Variants in TMC5 observed in about 807,000 individuals in gnomAD.
TMC5 encodes the protein transmembrane channel-like protein 5.
Under a neutral mutation model 110.5 loss-of-function variants are expected in TMC5, and 86 were observed. The observed-to-expected ratio is 0.78, with a 90% CI of 0.65 to 0.93. The LOEUF (loss-of-function observed/expected upper bound fraction) is 0.93, where lower values mean the gene tolerates loss of function less well. TMC5 is among the 40% of genes least tolerant of loss of function. The pLI is 0.00. For synonymous variants in TMC5, 455 were observed against 439.5 expected (o/e 1.04, Z -0.44); for missense variants, 1,144 against 1,222.8 (o/e 0.94, Z 0.96).
intron 1 of TMC5, among the ~76,000 whole-genome samples, chr16:19,422,598 A>G (rs1341363764): frequency 6.6e-6 from 1 of 152,152 alleles, no homozygotes; most frequent in Non-Finnish European, 1.5e-5. Flanking sequence ...TCGGGAGGCC[A>G]AGGTGGGAGG....
At chr16:19,491,301 T>C (rs906295887) in intron 18 of TMC5, among the ~76,000 whole-genome samples, 2 of 151,972 alleles carry the variant, frequency 1.3e-5, no homozygotes, top group Non-Finnish European at 2.9e-5. Flanking sequence ...TTAGCCACCT[T>C]GCCCAAGCTT....
At chr16:19,426,883 T>C (rs1967097544) in intron 1 of TMC5, among the ~76,000 whole-genome samples, 1 of 152,160 alleles carries the variant, frequency 6.6e-6, no homozygotes, top group Admixed American at 6.6e-5. Context: ...AGGAATCACT[T>C]GGGAAACCCG....
Position 19,485,557 on chromosome 16 carries a change from A to G in TMC5, c.2364-1388A>G, listed in dbSNP as rs538692503. ...AGGTGATCTGCCCGCTTCGGCCTCC[A>G]AAAGTGATGAGATTACAGGCATGAG... On this transcript the variant is annotated intron_variant, in intron 15 of 21. Coordinates refer to ENST00000542583, the MANE Select transcript of TMC5 (RefSeq NM_001261841.2). 1.3e-5 allele frequency among the ~76,000 whole-genome samples: 2 copies of G among 152,160 alleles called. 1 individual carries two copies. The highest frequency in any genetic ancestry group is 3.9e-4 in the East Asian group (2 of 5,174).
Position 19,463,848 on chromosome 16 carries a change from A to G in TMC5, c.1309A>G (p.Ile437Val). 6.2e-7 allele frequency: 1 copy of G among 1,614,214 alleles called. No homozygotes were observed. Among genetic ancestry groups the G allele is most frequent in the Non-Finnish European group, 8.5e-7 (1 of 1,180,030 alleles). Reference sequence around the variant, plus strand: ...CAGCCTGTGGCAGAAGACGCTGAAGATCATTGGAGGCAAGTTTGGAACCAG... The same window carrying G: ...CAGCCTGTGGCAGAAGACGCTGAAGGTCATTGGAGGCAAGTTTGGAACCAG... Reference protein sequence around the residue: ...SISLWQKTLKIIGGKFGTSVL... With the variant: ...SISLWQKTLKVIGGKFGTSVL... The change falls in exon 8 of 22, where the codon ATC becomes GTC. Residue 437 changes from isoleucine to valine, a missense_variant. By Grantham distance (29) the Ile-to-Val change is conservative (BLOSUM62 3). Coordinates refer to ENST00000542583, the MANE Select transcript of TMC5 (RefSeq NM_001261841.2).
At chr16:19,431,566 GA>G (rs1967197886) in intron 2 of TMC5, among the ~76,000 whole-genome samples, 1 of 151,090 alleles carries the variant, frequency 6.6e-6, no homozygotes, top group South Asian at 2.1e-4. Context: ...AAAAGAAGAA[GA>G]AGAAGACAAA....
Position 19,444,215 on chromosome 16 carries a change from G to A in TMC5, c.923G>A (p.Gly308Asp), listed in dbSNP as rs377325174. The change falls in exon 4 of 22, where the codon GGC (glycine) becomes GAC (aspartate). Residue 308 changes from glycine to aspartate, a missense_variant. Physicochemically the swap from Gly to Asp is moderately conservative, Grantham distance 94 (BLOSUM62 -1). Transcript: ENST00000542583. ...MASMEMANSY[G>D]HSLPGAPGSG... ...TCCATGGAGATGGCAAACTCATATGGCCACTCTCTGCCAGGTGCTCCTGGA... is the reference window on the plus strand; with the variant it reads ...TCCATGGAGATGGCAAACTCATATGACCACTCTCTGCCAGGTGCTCCTGGA... The A allele has an allele frequency of 1.7e-5, 27 of 1,613,812 alleles. No individual in the cohort carries two copies. The African/African-American group carries it at 3.2e-4, about 19-fold the overall frequency.
chr16:19,434,173 G>C, intron 2 of TMC5, among the ~76,000 whole-genome samples: 1 of 31,496 alleles, frequency 3.2e-5, no homozygotes, highest in East Asian at 1.8e-3. Flanking sequence ...ATGATATATA[G>C]ATCTATTAGA....
intron 9 of TMC5, among the ~76,000 whole-genome samples, chr16:19,468,848 TG>T (rs1267200943): frequency 2.6e-5 from 4 of 152,152 alleles, no homozygotes; most frequent in Non-Finnish European, 4.4e-5. Flanking sequence ...TCTGATTAGC[TG>T]GGTGTGGTGG....
chr16:19,493,722 A>T (rs1226310960), intron 19 of TMC5, among the ~76,000 whole-genome samples: 3 of 152,164 alleles, frequency 2.0e-5, no homozygotes, highest in African/African-American at 7.2e-5. Context: ...TGGCCTCCCA[A>T]AGTGCTGGGA....
intron 5 of TMC5, among the ~76,000 whole-genome samples, chr16:19,457,627 G>A (rs1967912440): frequency 6.8e-6 from 1 of 147,366 alleles, no homozygotes; most frequent in Non-Finnish European, 1.5e-5. Context: ...TGCTTGATGA[G>A]GAAACTGAAG....
chr16:19,439,867 C>T lies in TMC5; in HGVS notation c.-79-93C>T, dbSNP rs562161892. 124 of 606,240 alleles carry T rather than the reference C, an allele frequency of 2.0e-4. 1 individual carries two copies. Among genetic ancestry groups the T allele is most frequent in the Middle Eastern group, 1.3e-3 (3 of 2,236 alleles). The allele number at this position is 606,240 out of a possible 1,614,324, so 37.6% of individuals were successfully genotyped here. On this transcript the variant is annotated intron_variant, in intron 2 of 21. Coordinates refer to ENST00000542583, the MANE Select transcript of TMC5 (RefSeq NM_001261841.2). ...AGGCAGTTGTGTACCTGACTACGAA[C>T]GAAAGGAGAACAGATACTGGAAGAT...
chr16:19,444,580 G>A (rs150393526), intron 4 of TMC5, among the ~76,000 whole-genome samples: 6 of 152,260 alleles, frequency 3.9e-5, no homozygotes, highest in East Asian at 3.9e-4. Context: ...TTCAGAAGCC[G>A]TGTATTTGGG....
At chr16:19,433,031 G>A (rs146661405) in intron 2 of TMC5, among the ~76,000 whole-genome samples, 164 of 151,772 alleles carry the variant, frequency 1.1e-3, no homozygotes, top group Non-Finnish European at 1.8e-3. Flanking sequence ...ACACATATAC[G>A]CATACAATAT....
intron 15 of TMC5, among the ~76,000 whole-genome samples, chr16:19,483,541 G>A (rs1294489516): frequency 6.6e-6 from 1 of 152,102 alleles, no homozygotes; most frequent in Non-Finnish European, 1.5e-5. Flanking sequence ...CACTTTGGGA[G>A]GCTGAGGTGG....
chr16:19,465,540 T>A (rs1438523829), intron 8 of TMC5, among the ~76,000 whole-genome samples: 1 of 151,800 alleles, frequency 6.6e-6, no homozygotes, highest in Non-Finnish European at 1.5e-5. Flanking sequence ...AAAAAATAAA[T>A]AAATAAATAA....
chr16:19,422,086 C>G (rs1163069845), intron 1 of TMC5, among the ~76,000 whole-genome samples: 2 of 152,046 alleles, frequency 1.3e-5, no homozygotes, highest in Admixed American at 1.3e-4. Context: ...AAAAAATTAG[C>G]TGGGCATGGT....
chr16:19,418,173 A>G (rs1163332630), intron 1 of TMC5, 81 bp downstream of exon 1: 1 of 152,234 alleles, frequency 6.6e-6, no homozygotes, highest in East Asian at 1.9e-4. Context: ...GCGAAGGAGG[A>G]CGGAAACTGA....
intron 2 of TMC5, among the ~76,000 whole-genome samples, chr16:19,439,634 T>C (rs1395223789): frequency 6.6e-6 from 1 of 152,184 alleles, no homozygotes; most frequent in Non-Finnish European, 1.5e-5. Context: ...CAAATGCAGG[T>C]CTTGGCTTTG....
chr16:19,481,272 G>T, intron 14 of TMC5, 98 bp from the exon 15 acceptor site: 1 of 861,988 alleles, frequency 1.2e-6, no homozygotes, highest in Non-Finnish European at 2.0e-6. Flanking sequence ...TTTATTTCAA[G>T]CTGGGGAGGG....
Sources: allele counts gnomAD v4.1 joint callset (sites outside exome capture counted in the v4.1 genomes callset), GRCh38; gene constraint gnomAD v4.1.1; transcripts MANE v1.5; gene names NCBI Gene and HGNC (gene_info 2026-07-23, HGNC 2026-07-21).